Variants in NRXN2 observed in about 807,000 individuals in gnomAD.
NRXN2 encodes neurexin 2.
In NRXN2, 29 loss-of-function variants were observed where a neutral mutation model predicts 128.8. That is an observed-to-expected ratio of 0.23 (90% CI 0.17 to 0.31). The LOEUF (loss-of-function observed/expected upper bound fraction) is 0.31. Ranked by LOEUF, NRXN2 falls within the 10% of genes least tolerant of loss-of-function variation. The pLI is 1.00. For missense variants in NRXN2, 1,881 were observed against 2,452.6 expected (o/e 0.77, Z 4.92); for synonymous variants, 1,098 against 1,075.2 (o/e 1.02, Z -0.41).
intron 5 of NRXN2, chr11:64,688,596 G>A: frequency 2.0e-6 from 2 of 985,356 alleles, no homozygotes; most frequent in Non-Finnish European, 2.4e-6. Context: ...TATCTCGCCG[G>A]TCTGGCGCGA....
At chr11:64,661,266 G>T in intron 9 of NRXN2, 127 bp from the exon 10 acceptor site, 1 of 1,551,628 alleles carries the variant, frequency 6.4e-7, no homozygotes, top group Non-Finnish European at 8.7e-7. Context: ...GGCTCAGGAG[G>T]ACGAGCAGCA....
intron 17 of NRXN2, chr11:64,646,535 C>G (rs1476278476): frequency 6.6e-6 from 1 of 152,218 alleles, no homozygotes; most frequent in Non-Finnish European, 1.5e-5. Flanking sequence ...TCAGGTGCAC[C>G]TAAGTTCCAG....
chr11:64,657,422 A>G (rs777328553), intron 11 of NRXN2, among the ~76,000 whole-genome samples: 30 of 152,306 alleles, frequency 2.0e-4, no homozygotes, highest in Non-Finnish European at 3.4e-4. Context: ...CCTGGCTCCA[A>G]ACTCAAGTCT....
chr11:64,699,727 T>C (rs1226030843), intron 2 of NRXN2, among the ~76,000 whole-genome samples: 7 of 152,134 alleles, frequency 4.6e-5, no homozygotes, highest in African/African-American at 1.7e-4. Flanking sequence ...TTTTCTTAAG[T>C]AAACTGAATC....
At chr11:64,717,622 T>G (rs1034121119) in intron 1 of NRXN2, among the ~76,000 whole-genome samples, 8 of 152,200 alleles carry the variant, frequency 5.3e-5, no homozygotes, top group Non-Finnish European at 1.0e-4. Flanking sequence ...GGCCAAAGCC[T>G]CCTCCTCATT....
In NRXN2 at chr11:64,694,644, C is replaced by A. The variant is rs556005894; in HGVS notation, c.749-1768G>T. ...TTTTTATCCATCACACAGGTAAGGA[C>A]CCAAGCATTTGAACCGAGTCTCCTC... On this transcript the variant is annotated intron_variant, in intron 3 of 22. Transcript: ENST00000265459. Among the ~76,000 whole-genome samples, 5 of 152,274 alleles carry A rather than the reference C, an allele frequency of 3.3e-5. No homozygotes were observed. In the East Asian group the frequency reaches 9.7e-4, roughly 29 times the overall value.
chr11:64,620,846 T>C (rs1407449908), intron 21 of NRXN2, among the ~76,000 whole-genome samples: 3 of 151,124 alleles, frequency 2.0e-5, no homozygotes, highest in East Asian at 2.0e-4. Flanking sequence ...CCCAACCCCC[T>C]TTCCTGGAGC....
intron 7 of NRXN2, chr11:64,676,104 G>A (rs2051281047): frequency 6.5e-6 from 1 of 152,672 alleles, no homozygotes; most frequent in African/African-American, 2.4e-5. Flanking sequence ...GCCCCTGTCA[G>A]AGGCCATGCG....
intron 3 of NRXN2, 57 bp downstream of exon 3, chr11:64,697,718 T>C: frequency 1.9e-6 from 3 of 1,604,726 alleles, no homozygotes; most frequent in Admixed American, 3.3e-5. Flanking sequence ...CAGTCCCTCA[T>C]GTAGGATCCC....
In NRXN2 at chr11:64,631,158, G is replaced by A. The variant is rs998924556; in HGVS notation, c.3586-585C>T. ...GCCCAAAGTAGGTCAGGCTCTGAGT[G>A]TGGGGGTGGACCCTCTGCAGCCATG... On this transcript the variant is annotated intron_variant, in intron 18 of 22. Coordinates refer to ENST00000265459, the MANE Select transcript of NRXN2 (RefSeq NM_015080.4). This position sits in a 1 kb window ranked among gnomAD's most constrained non-coding sequence, Gnocchi z 4.8. Among the ~76,000 whole-genome samples the A allele has an allele frequency of 2.0e-5, 3 of 152,206 alleles. No homozygotes were observed. Among genetic ancestry groups the A allele is most frequent in the African/African-American group, 7.2e-5 (3 of 41,450 alleles).
chr11:64,665,170 A>G (rs2049643618), intron 9 of NRXN2, among the ~76,000 whole-genome samples: 1 of 150,456 alleles, frequency 6.6e-6, no homozygotes, highest in East Asian at 1.9e-4. Flanking sequence ...AGTCCCAGCT[A>G]CTCGGGAGGC....
chr11:64,668,402 G>T, intron 8 of NRXN2, 41 bp downstream of exon 8: 1 of 1,610,002 alleles, frequency 6.2e-7, no homozygotes, highest in African/African-American at 1.3e-5. Context: ...GGAGACAAAG[G>T]GCTCCTGAAC....
chr11:64,643,182 C>T (rs1459259814), intron 17 of NRXN2: 18 of 961,442 alleles, frequency 1.9e-5, no homozygotes, highest in Non-Finnish European at 3.6e-6. Flanking sequence ...GAGGGGAGAG[C>T]GAGGGAAATC....
chr11:64,632,543 A>G lies in NRXN2; in HGVS notation c.3586-1970T>C, dbSNP rs2044071328. 6.6e-6 allele frequency among the ~76,000 whole-genome samples: 1 copy of G among 152,118 alleles called. No homozygotes were observed. Among genetic ancestry groups the G allele is most frequent in the Non-Finnish European group, 1.5e-5 (1 of 68,018 alleles). On this transcript the variant is annotated intron_variant, in intron 18 of 22. Transcript: ENST00000265459. The surrounding 1 kb of genome is among the most constrained non-coding windows in gnomAD (Gnocchi z 4.2). Reference sequence around the variant, plus strand: ...ATCAGCTCCCTGGATTCCTCTGAGGATTTCTCCCCACAGGCTCAGCCCAGG... The same window carrying G: ...ATCAGCTCCCTGGATTCCTCTGAGGGTTTCTCCCCACAGGCTCAGCCCAGG...
rs961380516 is a variant in NRXN2 at position 64,667,771 on chromosome 11, G to C, written c.1360-83C>G. 1.5e-6 allele frequency: 2 copies of C among 1,371,582 alleles called. No homozygotes were observed. The highest frequency in any genetic ancestry group is 2.8e-5 in the African/African-American group (2 of 70,488). 85.0% of individuals were successfully genotyped at this position (1,371,582 alleles called of 1,614,324 possible). A position where few individuals can be genotyped will look rare whatever the true frequency, so the allele number is the denominator to read the frequency against. On this transcript the variant is annotated intron_variant, in intron 8 of 22. Transcript: ENST00000265459. The surrounding 1 kb of genome is among the most constrained non-coding windows in gnomAD (Gnocchi z 5.6). The stretch of plus-strand genomic sequence containing the variant: ...ACTCCCACCCAGCAGCGAGCACCAG[G>C]GGACCCAGCCACCCACCCCTGTAGC...
intron 22 of NRXN2, among the ~76,000 whole-genome samples, chr11:64,611,716 C>G (rs1045111695): frequency 6.6e-6 from 1 of 152,200 alleles, no homozygotes; most frequent in Non-Finnish European, 1.5e-5. Flanking sequence ...CCTCTGCCCC[C>G]AGACTCCTCC....
chr11:64,702,620 A>G (rs1273391830), intron 2 of NRXN2, among the ~76,000 whole-genome samples: 2 of 152,072 alleles, frequency 1.3e-5, no homozygotes. Flanking sequence ...CTTGGGAGTC[A>G]TCACCACTCC....
In NRXN2 at chr11:64,622,889, A is replaced by G; in HGVS notation, c.4037T>C (p.Val1346Ala). The G allele has an allele frequency of 6.2e-7, 1 of 1,613,048 alleles. No individual in the cohort carries two copies. The highest frequency in any genetic ancestry group is 8.5e-7 in the Non-Finnish European group (1 of 1,179,862). The stretch of plus-strand genomic sequence containing the variant: ...GGCCGTGGTCTCCGCACTGAGCAGC[A>G]CGGACGGCCCCTCCCCCACCAGGCG... Reference protein sequence around the residue: ...HLRLVGEGPSVLLSAETTATT... With the variant: ...HLRLVGEGPSALLSAETTATT... Residue 1346 changes from valine to alanine, a missense_variant, in exon 21 of 23, where the codon GTG (valine) becomes GCG (alanine). Physicochemically the swap from Val to Ala is moderately conservative, Grantham distance 64. Coordinates refer to ENST00000265459, the MANE Select transcript of NRXN2 (RefSeq NM_015080.4). This position sits in a 1 kb window ranked among gnomAD's most constrained non-coding sequence, Gnocchi z 4.3.
chr11:64,670,246 G>T (rs1018610588), intron 7 of NRXN2, among the ~76,000 whole-genome samples: 6 of 152,104 alleles, frequency 3.9e-5, no homozygotes, highest in African/African-American at 1.4e-4. Context: ...GTGGAAAGGG[G>T]CAGTCTGAAA....
Sources: allele counts gnomAD v4.1 joint callset (sites outside exome capture counted in the v4.1 genomes callset), GRCh38; gene constraint gnomAD v4.1.1; non-coding constraint Gnocchi (gnomAD v3.1); transcripts MANE v1.5; gene names NCBI Gene and HGNC (gene_info 2026-07-23, HGNC 2026-07-21).